Variants in MYADM observed in about 807,000 individuals in gnomAD.
The protein encoded by MYADM is myeloid-associated differentiation marker.
For synonymous variants in MYADM, 224 were observed against 210.2 expected (o/e 1.07, Z -0.57); for missense variants, 416 against 443.4 (o/e 0.94, Z 0.56).
At chr19:53,870,507 G>A (rs1032853382) in intron 2 of MYADM, among the ~76,000 whole-genome samples, 1 of 152,084 alleles carries the variant, frequency 6.6e-6, no homozygotes, top group African/African-American at 2.4e-5. Context: ...GATCCTGGGA[G>A]AAGGACCAGG....
chr19:53,870,760 G>T (rs1254268106), intron 2 of MYADM, among the ~76,000 whole-genome samples: 8 of 152,182 alleles, frequency 5.3e-5, no homozygotes, highest in Non-Finnish European at 1.5e-5. Context: ...CCTAAGGAAA[G>T]AACTGGGCAC....
At position 53,874,202 on chromosome 19, in the gene MYADM, C is replaced by T. The variant is rs1193233377; in HGVS notation, c.673C>T (p.Leu225=). The part of the protein sequence containing the change: ...ILAAIAILLN[L]GECTNVLPIP... ...AGCGGCCATCGCCATCCTGCTGAAC[C>T]TGGGGGAGTGCACCAACGTGCTACC... is the stretch of plus-strand genomic sequence containing the variant. Residue 225 remains leucine (L), a synonymous_variant, in exon 3 of 3, where the codon CTG becomes TTG. Coordinates refer to ENST00000391770, the MANE Select transcript of MYADM (RefSeq NM_138373.5). The T allele has an allele frequency of 2.5e-6, 4 of 1,613,816 alleles. No homozygotes were observed. In the Admixed American group the frequency reaches 5.0e-5, roughly 20 times the overall value.
Position 53,868,691 on chromosome 19 carries a change from G to C in MYADM, c.-88+748G>C, listed in dbSNP as rs192674107. 1.2e-4 allele frequency among the ~76,000 whole-genome samples: 19 copies of C among 152,278 alleles called. No homozygotes were observed. The highest frequency in any genetic ancestry group is 1.6e-4 in the Non-Finnish European group (11 of 68,016). On this transcript the variant is annotated intron_variant, in intron 1 of 2. Transcript: ENST00000391770. This position sits in a 1 kb window ranked among gnomAD's most constrained non-coding sequence, Gnocchi z 6.3. ...GATGGGTGTGGCGTCTGGAGTGGAC[G>C]AGGGAGGACACTGAGGGGCTGGGTG...
At chr19:53,867,395 G>A (rs114430779), upstream of MYADM, among the ~76,000 whole-genome samples, 1,893 of 152,038 alleles carry the variant, frequency 0.012, 38 homozygotes, top group African/African-American at 0.043. Context: ...GGTTTCATCC[G>A]GCAAGGAAGG....
intron 2 of MYADM, among the ~76,000 whole-genome samples, chr19:53,871,192 T>C (rs1266628557): frequency 6.6e-6 from 1 of 152,066 alleles, no homozygotes; most frequent in Non-Finnish European, 1.5e-5. Flanking sequence ...GATCGCACCA[T>C]TGCACTGCAG....
In MYADM at chr19:53,874,767, T is replaced by A; in HGVS notation, c.*269T>A. On this transcript the variant is annotated 3_prime_UTR_variant, in exon 3 of 3. Coordinates refer to ENST00000391770, the MANE Select transcript of MYADM (RefSeq NM_138373.5). ...CACCCCTGAGCTGTTTCTCTTTTTC[T>A]TTTCTTTTTTTTTTTTTTTTTTTTT... The A allele has an allele frequency of 7.1e-6, 1 of 140,860 alleles. No homozygotes were observed. The highest frequency in any genetic ancestry group is 1.4e-5 in the Non-Finnish European group (1 of 72,980). The allele number at this position is 140,860 out of a possible 1,614,324, so 8.7% of individuals were successfully genotyped here. A position where few individuals can be genotyped will look rare whatever the true frequency, so the allele number is the denominator to read the frequency against.
Position 53,874,708 on chromosome 19 carries a change from T to C in MYADM, c.*210T>C. 2.1e-6 allele frequency: 1 copy of C among 481,704 alleles called. No individual in the cohort carries two copies. The allele number at this position is 481,704 out of a possible 1,614,324, so 29.8% of individuals were successfully genotyped here. A position where few individuals can be genotyped will look rare whatever the true frequency, so the allele number is the denominator to read the frequency against. ...CCTTCCCTTTCCTCTTGCTGTTTCC[T>C]TCCTGTGTTGTTTTGTTGCCCACAT... On this transcript the variant is annotated 3_prime_UTR_variant, in exon 3 of 3. Coordinates refer to ENST00000391770, the MANE Select transcript of MYADM (RefSeq NM_138373.5).
intron 2 of MYADM, among the ~76,000 whole-genome samples, chr19:53,870,626 C>A (rs556236469): frequency 2.0e-5 from 3 of 152,254 alleles, no homozygotes; most frequent in Admixed American, 1.3e-4. Flanking sequence ...GCGACTGCCA[C>A]GAAGAGGTTA....
upstream of MYADM, among the ~76,000 whole-genome samples, chr19:53,867,722 G>T (rs2068266617): frequency 6.6e-6 from 1 of 152,178 alleles, no homozygotes; most frequent in Non-Finnish European, 1.5e-5. Flanking sequence ...TTTACTCTGG[G>T]GGGCGTGGTC....
chr19:53,868,143 T>A lies in MYADM; in HGVS notation c.-88+200T>A, dbSNP rs1305694454. On this transcript the variant is annotated intron_variant, in intron 1 of 2. Coordinates refer to ENST00000391770, the MANE Select transcript of MYADM (RefSeq NM_138373.5). The surrounding 1 kb of genome is among the most constrained non-coding windows in gnomAD (Gnocchi z 6.3). ...GTCTGGAAGAGTGGGGAAGGGGACC[T>A]GGACTCCGGGGTCTGAGGGAGGAGG... Among the ~76,000 whole-genome samples, 1 of 150,274 alleles carries A rather than the reference T, an allele frequency of 6.7e-6. No homozygotes were observed. The highest frequency in any genetic ancestry group is 1.5e-5 in the Non-Finnish European group (1 of 67,622).
intron 2 of MYADM, among the ~76,000 whole-genome samples, chr19:53,871,122 T>A (rs1183896561): frequency 1.3e-5 from 2 of 152,124 alleles, no homozygotes; most frequent in African/African-American, 4.8e-5. Context: ...TCCCAGCTAC[T>A]CAGGAGGCTG....
intron 2 of MYADM, among the ~76,000 whole-genome samples, chr19:53,871,864 T>C (rs963118684): frequency 1.3e-5 from 2 of 151,942 alleles, no homozygotes; most frequent in African/African-American, 2.4e-5. Flanking sequence ...AGAAGGAGGA[T>C]GCTTTATTTT....
chr19:53,867,100 A>G (rs2068256756), upstream of MYADM, among the ~76,000 whole-genome samples: 1 of 152,076 alleles, frequency 6.6e-6, no homozygotes, highest in African/African-American at 2.4e-5. Context: ...ATCCACTGTG[A>G]TATCTGAGAC....
At chr19:53,872,033 C>T (rs555553131) in intron 2 of MYADM, among the ~76,000 whole-genome samples, 146 of 150,822 alleles carry the variant, frequency 9.7e-4, no homozygotes, top group African/African-American at 3.4e-3. Flanking sequence ...CAAGTAGCTG[C>T]GATTACAAGC....
chr19:53,870,273 T>C (rs1276212698), intron 2 of MYADM, among the ~76,000 whole-genome samples: 3 of 84,254 alleles, frequency 3.6e-5, no homozygotes, highest in South Asian at 5.3e-4. Context: ...GGGCCTGGAC[T>C]CCGGGGTCCG....
chr19:53,873,880 CA>C lies in MYADM; in HGVS notation c.352del (p.Ile118SerfsTer59). On this transcript the variant is annotated frameshift_variant, in exon 3 of 3. Transcript: ENST00000391770. LOFTEE classifies it low-confidence loss of function (END_TRUNC). This position sits in a 1 kb window ranked among gnomAD's most constrained non-coding sequence, Gnocchi z 4.3. ...CGGCCCTCTTCTGCCTCTCGGCCTC[CA>C]TCATCTACCCCACCACCTATGTCCA... ...YAALFCLSASIIYPTTYVQFL... is the reference protein window; with the variant it reads ...YAALFCLSASXIYPTTYVQFL... The C allele has an allele frequency of 6.2e-7, 1 of 1,613,266 alleles. No individual in the cohort carries two copies. The highest frequency in any genetic ancestry group is 8.5e-7 in the Non-Finnish European group (1 of 1,180,038).
At chr19:53,869,216 C>G (rs1410436783) in intron 1 of MYADM, 1 of 152,370 alleles carries the variant, frequency 6.6e-6, no homozygotes, top group Admixed American at 6.5e-5. Flanking sequence ...GGGTCCCTGC[C>G]CACTCCGGTC....
At position 53,874,780 on chromosome 19, in the gene MYADM, T is replaced by C. The variant is rs1143256; in HGVS notation, c.*282T>C. ...TTTCTCTTTTTCTTTTCTTTTTTTT[T>C]TTTTTTTTTTTTTAAGACGGATTCT... On this transcript the variant is annotated 3_prime_UTR_variant, in exon 3 of 3. Coordinates refer to ENST00000391770, the MANE Select transcript of MYADM (RefSeq NM_138373.5). The C allele has an allele frequency of 5.1e-3, 1,010 of 198,664 alleles. 10 individuals carry two copies. The highest frequency in any genetic ancestry group is 0.019 in the African/African-American group (787 of 42,030). The allele number at this position is 198,664 out of a possible 1,614,324, so 12.3% of individuals were successfully genotyped here.
In MYADM at chr19:53,875,224, G is replaced by GTGTGTGTGTGTA; in HGVS notation, c.*733_*734insGTGTATGTGTGT. On this transcript the variant is annotated 3_prime_UTR_variant, in exon 3 of 3. Transcript: ENST00000391770. ...CGTGTGTGTGTGTGTGTGTGTGTGT[G>GTGTGTGTGTGTA]TGTGTGTTTGGGGGGTGGGGGGTGG... is the stretch of plus-strand genomic sequence containing the variant. The GTGTGTGTGTGTA allele has an allele frequency of 7.5e-6, 1 of 134,158 alleles. No individual in the cohort carries two copies. Among genetic ancestry groups the GTGTGTGTGTGTA allele is most frequent in the African/African-American group, 2.8e-5 (1 of 35,484 alleles). The allele number at this position is 134,158 out of a possible 1,614,324, so 8.3% of individuals were successfully genotyped here. A position where few individuals can be genotyped will look rare whatever the true frequency, so the allele number is the denominator to read the frequency against.
Sources: gnomAD v4.1 joint callset for allele counts (sites outside exome capture counted in the v4.1 genomes callset) on GRCh38, gnomAD v4.1.1 for gene constraint, Gnocchi (gnomAD v3.1) non-coding constraint, MANE v1.5 for transcripts, NCBI Gene and HGNC (gene_info 2026-07-23, HGNC 2026-07-21) for gene names.